ACTN1: variants seen among roughly 807,000 people sequenced by gnomAD.
The protein encoded by ACTN1 is alpha-actinin-1.
In ACTN1, 30 loss-of-function variants were observed where a neutral mutation model predicts 119.6. That is an observed-to-expected ratio of 0.25 (90% confidence interval 0.19 to 0.34). ACTN1 has a LOEUF of 0.34. Ranked by LOEUF, ACTN1 falls within the 10% of genes least tolerant of loss-of-function variation. The pLI, the probability that ACTN1 is intolerant of heterozygous loss-of-function variation, is 1.00. For synonymous variants in ACTN1, 429 were observed against 472.6 expected (o/e 0.91, Z 1.20); for missense variants, 764 against 1,223.4 (o/e 0.62, Z 5.60).
rs1163870436 is a variant in ACTN1, at chr14:68,975,088, C to A, written c.105+3864G>T. Among the ~76,000 whole-genome samples, 3 of 152,216 alleles carry A rather than the reference C, an allele frequency of 2.0e-5. No individual in the cohort carries two copies. The East Asian group carries it at 5.8e-4, about 29-fold the overall frequency. ...TGTAGTCCTCCACCTTGACTGGTGGCCTTGGCTATAGCTCCTGCAATGGCC... is the reference window on the plus strand; with the variant it reads ...TGTAGTCCTCCACCTTGACTGGTGGACTTGGCTATAGCTCCTGCAATGGCC... On this transcript the variant is annotated intron_variant, in intron 1 of 21. Coordinates refer to ENST00000394419, the MANE Select transcript of ACTN1 (RefSeq NM_001130004.2).
intron 8 of ACTN1, among the ~76,000 whole-genome samples, chr14:68,896,154 G>A (rs1409038727): frequency 1.3e-5 from 2 of 152,098 alleles, no homozygotes; most frequent in African/African-American, 2.4e-5. Flanking sequence ...AGACAGCCCA[G>A]CTCCTACATT....
intron 8 of ACTN1, among the ~76,000 whole-genome samples, chr14:68,896,461 G>A (rs1306426624): frequency 6.6e-6 from 1 of 152,184 alleles, no homozygotes; most frequent in Non-Finnish European, 1.5e-5. Context: ...GCCGCTGGGG[G>A]TGACAGGCCT....
chr14:68,934,235 A>G (rs1157950251), intron 1 of ACTN1, among the ~76,000 whole-genome samples: 5 of 152,246 alleles, frequency 3.3e-5, no homozygotes, highest in African/African-American at 1.2e-4. Context: ...TACCACAGTT[A>G]ACACTCCTGA....
intron 1 of ACTN1, among the ~76,000 whole-genome samples, chr14:68,959,717 T>G (rs1423346956): frequency 6.6e-6 from 1 of 152,154 alleles, no homozygotes; most frequent in Non-Finnish European, 1.5e-5. Context: ...CCAGGGGGGT[T>G]GAACGAAATG....
intron 8 of ACTN1, among the ~76,000 whole-genome samples, chr14:68,899,640 T>C (rs188493086): frequency 3.9e-5 from 6 of 152,000 alleles, no homozygotes; most frequent in African/African-American, 1.2e-4. Flanking sequence ...ACCCACTTCA[T>C]ACCCACTACA....
At chr14:68,933,959 C>T (rs1467694221) in intron 1 of ACTN1, among the ~76,000 whole-genome samples, 1 of 141,036 alleles carries the variant, frequency 7.1e-6, no homozygotes, top group Non-Finnish European at 1.5e-5. Flanking sequence ...CCTGGGGTGA[C>T]AGAGTGAGAC....
intron 1 of ACTN1, among the ~76,000 whole-genome samples, chr14:68,935,303 C>T (rs1274127621): frequency 6.6e-6 from 1 of 151,664 alleles, no homozygotes; most frequent in African/African-American, 2.4e-5. Context: ...GGATTACAGG[C>T]ATGAGCTACT....
Position 68,967,623 on chromosome 14 carries a change from A to G in ACTN1, c.105+11329T>C, listed in dbSNP as rs529395941. Among the ~76,000 whole-genome samples, 5 of 152,358 alleles carry G rather than the reference A, an allele frequency of 3.3e-5. No homozygotes were observed. The South Asian group carries it at 8.3e-4, about 25-fold the overall frequency. ...GTAATGAAGGCAGGCAGGCTGCCAC[A>G]TATCTGTCCTTTCTGACTCTCCTAG... On this transcript the variant is annotated intron_variant, in intron 1 of 21. Coordinates refer to ENST00000394419, the MANE Select transcript of ACTN1 (RefSeq NM_001130004.2).
chr14:68,955,984 T>C (rs1265317419), intron 1 of ACTN1, among the ~76,000 whole-genome samples: 2 of 152,132 alleles, frequency 1.3e-5, no homozygotes, highest in African/African-American at 4.8e-5. Flanking sequence ...AAGAAGGTCC[T>C]GGAGGAAGAG....
intron 1 of ACTN1, among the ~76,000 whole-genome samples, chr14:68,935,882 C>T (rs1249738015): frequency 6.6e-6 from 1 of 152,230 alleles, no homozygotes; most frequent in East Asian, 1.9e-4. Flanking sequence ...AACTCACGTG[C>T]TGGCCACACC....
chr14:68,884,449 G>T, intron 13 of ACTN1, 141 bp from the exon 14 acceptor site: 2 of 1,037,948 alleles, frequency 1.9e-6, no homozygotes, highest in Non-Finnish European at 2.8e-6. Flanking sequence ...CCTGCCAGCT[G>T]TATGAACCAT....
rs2030985491 is a variant in ACTN1 at position 68,877,074 on chromosome 14, AC to A, written c.2586+7del. On this transcript the variant is annotated splice_region_variant and intron_variant, in intron 21 of 21. Transcript: ENST00000394419. ...CCCCAGCACAGTGCCCACCCATAGGACACCCACCTTGTCCCCAGCCAGGATC... is the reference window on the plus strand; with the variant it reads ...CCCCAGCACAGTGCCCACCCATAGGAACCCACCTTGTCCCCAGCCAGGATC... 1.9e-6 allele frequency: 3 copies of A among 1,613,832 alleles called. No homozygotes were observed. The East Asian group carries it at 6.7e-5, about 36-fold the overall frequency.
At chr14:68,939,715 G>C (rs2035700301) in intron 1 of ACTN1, among the ~76,000 whole-genome samples, 1 of 152,188 alleles carries the variant, frequency 6.6e-6, no homozygotes, top group Admixed American at 6.5e-5. Context: ...GGCAAAAATA[G>C]CTGCCCATTT....
rs1328588731 is a variant in ACTN1 at position 68,874,850 on chromosome 14, C to A, written c.*9G>T. The A allele has an allele frequency of 9.0e-6, 14 of 1,562,834 alleles. No individual in the cohort carries two copies. The highest frequency in any genetic ancestry group is 1.3e-5 in the African/African-American group (1 of 74,138). On this transcript the variant is annotated 3_prime_UTR_variant, in exon 22 of 22. Coordinates refer to ENST00000394419, the MANE Select transcript of ACTN1 (RefSeq NM_001130004.2). Reference sequence around the variant, plus strand: ...GGCGCACAAGACGAGGGCGGCCGGGCGGGGTGGATTAGAGGTCACTCTCGC... The same window carrying A: ...GGCGCACAAGACGAGGGCGGCCGGGAGGGGTGGATTAGAGGTCACTCTCGC...
intron 1 of ACTN1, among the ~76,000 whole-genome samples, chr14:68,969,854 C>T (rs1054547255): frequency 3.9e-5 from 6 of 152,188 alleles, no homozygotes; most frequent in Admixed American, 6.5e-5. Flanking sequence ...ACCCCTCCCA[C>T]CCACATGCAA....
At chr14:68,897,295 GT>G (rs1261954546) in intron 8 of ACTN1, among the ~76,000 whole-genome samples, 2 of 152,052 alleles carry the variant, frequency 1.3e-5, no homozygotes, top group Non-Finnish European at 1.5e-5. Flanking sequence ...GAATTTTCAT[GT>G]TTTTTTATGA....
In ACTN1 at chr14:68,891,300, G is replaced by T. The variant is rs574057898; in HGVS notation, c.1086+753C>A. Among the ~76,000 whole-genome samples the T allele has an allele frequency of 2.0e-5, 3 of 152,302 alleles. No homozygotes were observed. The East Asian group carries it at 5.8e-4, about 29-fold the overall frequency. On this transcript the variant is annotated intron_variant, in intron 10 of 21. Coordinates refer to ENST00000394419, the MANE Select transcript of ACTN1 (RefSeq NM_001130004.2). ...TTTTTCCCTAAGTTGTGGGGACAGG[G>T]TCAAGAAGGATGAATAACAAAAATA...
Position 68,950,165 on chromosome 14 carries a change from G to A in ACTN1, c.106-24493C>T, listed in dbSNP as rs1198346045. On this transcript the variant is annotated intron_variant, in intron 1 of 21. Transcript: ENST00000394419. Reference sequence around the variant, plus strand: ...AAAAACTAGCCAGGCATAGTGGCAGGTGCCTGTAATCCCAGCTACTGGGGA... The same window carrying A: ...AAAAACTAGCCAGGCATAGTGGCAGATGCCTGTAATCCCAGCTACTGGGGA... Among the ~76,000 whole-genome samples, 7 of 152,036 alleles carry A rather than the reference G, an allele frequency of 4.6e-5. 1 individual carries two copies. Among genetic ancestry groups the A allele is most frequent in the Middle Eastern group, 3.4e-3 (1 of 294 alleles).
Position 68,878,278 on chromosome 14 carries a change from C to A in ACTN1, c.2427+180G>T, listed in dbSNP as rs569019358. 129 of 818,686 alleles carry A rather than the reference C, an allele frequency of 1.6e-4. No homozygotes were observed. The highest frequency in any genetic ancestry group is 7.8e-4 in the Admixed American group (25 of 32,196). 50.7% of individuals were successfully genotyped at this position (818,686 alleles called of 1,614,324 possible). The stretch of plus-strand genomic sequence containing the variant: ...AGGTCAGGCCTCCCGGATACACACA[C>A]GCCCGTGGCCGGGCCGGCTTTCAGG... On this transcript the variant is annotated intron_variant, in intron 20 of 21. Coordinates refer to ENST00000394419, the MANE Select transcript of ACTN1 (RefSeq NM_001130004.2). The surrounding 1 kb of genome is among the most constrained non-coding windows in gnomAD (Gnocchi z 4.4).
Sources: gnomAD v4.1 joint callset for allele counts (sites outside exome capture counted in the v4.1 genomes callset) on GRCh38, gnomAD v4.1.1 for gene constraint, Gnocchi (gnomAD v3.1) non-coding constraint, MANE v1.5 for transcripts, NCBI Gene and HGNC (gene_info 2026-07-23, HGNC 2026-07-21) for gene names.